MSH3: variants seen among roughly 807,000 people sequenced by gnomAD.
The protein encoded by MSH3 is DNA mismatch repair protein Msh3.
In MSH3, 106 loss-of-function variants were observed where a neutral mutation model predicts 123.3. The observed-to-expected ratio is 0.86, with a 90% CI of 0.73 to 1.01. The LOEUF is 1.01. Ranked by LOEUF, MSH3 falls within the 50% of genes least tolerant of loss-of-function variation. MSH3 has a pLI of 0.00. For missense variants in MSH3, 1,459 were observed against 1,347.6 expected, an observed-to-expected ratio of 1.08 and a Z score of -1.29; for synonymous variants, 515 against 481.4, an observed-to-expected ratio of 1.07 and a Z score of -0.91.
chr5:80,718,338 G>C (rs1350011860), intron 8 of MSH3, among the ~76,000 whole-genome samples: 1 of 152,124 alleles, frequency 6.6e-6, no homozygotes, highest in Non-Finnish European at 1.5e-5. Context: ...AGGTGAGTTG[G>C]GAACTCCTGG....
intron 12 of MSH3, among the ~76,000 whole-genome samples, chr5:80,753,383 A>G (rs1052444184): frequency 6.6e-6 from 1 of 152,176 alleles, no homozygotes; most frequent in African/African-American, 2.4e-5. Flanking sequence ...AGCTACCGTC[A>G]GGAATGTAGG....
intron 20 of MSH3, among the ~76,000 whole-genome samples, chr5:80,823,405 G>A (rs1020543631): frequency 6.6e-6 from 1 of 152,094 alleles, no homozygotes; most frequent in African/African-American, 2.4e-5. Context: ...TCAGGGACGT[G>A]GAATTTGGGG....
intron 10 of MSH3, 43 bp from the exon 11 acceptor site, chr5:80,741,421 T>C: frequency 2.4e-6 from 3 of 1,241,922 alleles, no homozygotes; most frequent in Non-Finnish European, 3.6e-6. Context: ...TTTATTTCTT[T>C]ATGCACTTAC....
At chr5:80,693,522 T>C (rs1402700284) in intron 8 of MSH3, among the ~76,000 whole-genome samples, 1 of 150,316 alleles carries the variant, frequency 6.7e-6, no homozygotes, top group Non-Finnish European at 1.5e-5. Flanking sequence ...TATGCACATG[T>C]ATATGTTTAT....
intron 8 of MSH3, among the ~76,000 whole-genome samples, chr5:80,687,043 G>A (rs1050114817): frequency 3.3e-5 from 5 of 152,084 alleles, no homozygotes; most frequent in Admixed American, 6.5e-5. Flanking sequence ...ATATCTGAAA[G>A]TACAGGTTTA....
intron 18 of MSH3, among the ~76,000 whole-genome samples, 170 bp downstream of exon 18, chr5:80,787,842 T>C (rs763122403): frequency 6.6e-6 from 1 of 152,242 alleles, no homozygotes; most frequent in Admixed American, 6.5e-5. Context: ...AATTCATTTC[T>C]TGCTTCCTCT....
At chr5:80,853,351 T>TGTA (rs1330149407) in intron 20 of MSH3, among the ~76,000 whole-genome samples, 1 of 152,050 alleles carries the variant, frequency 6.6e-6, no homozygotes, top group Non-Finnish European at 1.5e-5. Flanking sequence ...GGCATGCACC[T>TGTA]GTAGTCCCAG....
intron 21 of MSH3, among the ~76,000 whole-genome samples, chr5:80,860,890 A>T (rs773480791): frequency 4.8e-4 from 73 of 150,996 alleles, no homozygotes; most frequent in Non-Finnish European, 8.6e-4. Flanking sequence ...CATTTTGGAG[A>T]TTTCTATTAA....
At chr5:80,684,470 A>T (rs946019626) in intron 8 of MSH3, among the ~76,000 whole-genome samples, 15 of 151,802 alleles carry the variant, frequency 9.9e-5, no homozygotes, top group East Asian at 3.9e-4. Context: ...TTTCTTTTTC[A>T]TATTGTTCAC....
At chr5:80,681,545 GGATAAATTAT>G (rs539991187) in intron 8 of MSH3, among the ~76,000 whole-genome samples, 45 of 151,594 alleles carry the variant, frequency 3.0e-4, no homozygotes, top group African/African-American at 9.2e-4. Context: ...GAAATGGAAT[GGATAAATTAT>G]GATAAATTAT....
rs1200280309 is a variant in MSH3 at position 80,798,518 on chromosome 5, A to C, written c.2655+5674A>C. Among the ~76,000 whole-genome samples, 3 of 152,208 alleles carry C rather than the reference A, an allele frequency of 2.0e-5. No homozygotes were observed. In the East Asian group the frequency reaches 5.8e-4, roughly 29 times the overall value. ...GTGCCTAATTACCAAGTGGAACAGTAATAATACATACCATAAAATATGTCT... is the reference window on the plus strand; with the variant it reads ...GTGCCTAATTACCAAGTGGAACAGTCATAATACATACCATAAAATATGTCT... On this transcript the variant is annotated intron_variant, in intron 19 of 23. Transcript: ENST00000265081.
intron 22 of MSH3, among the ~76,000 whole-genome samples, chr5:80,869,596 T>C (rs1746168414): frequency 1.3e-5 from 2 of 151,916 alleles, no homozygotes; most frequent in African/African-American, 4.8e-5. Flanking sequence ...ATATGAGAAC[T>C]ACCATAATTT....
At chr5:80,730,457 A>G (rs531306199) in intron 10 of MSH3, among the ~76,000 whole-genome samples, 158 of 152,300 alleles carry the variant, frequency 1.0e-3, no homozygotes, top group African/African-American at 3.6e-3. Flanking sequence ...GACGTGGCAT[A>G]GTGGAGTTCT....
At chr5:80,757,435 C>T (rs1743945919) in intron 12 of MSH3, among the ~76,000 whole-genome samples, 2 of 152,128 alleles carry the variant, frequency 1.3e-5, no homozygotes, top group Admixed American at 1.3e-4. Flanking sequence ...AGGTCACACT[C>T]TGTGTTTCTG....
intron 20 of MSH3, among the ~76,000 whole-genome samples, chr5:80,831,959 A>T (rs893920848): frequency 3.3e-5 from 5 of 149,428 alleles, no homozygotes; most frequent in African/African-American, 1.2e-4. Context: ...ATACAAAAAA[A>T]TTAGCCGGGT....
intron 19 of MSH3, among the ~76,000 whole-genome samples, chr5:80,793,560 A>G (rs570939206): frequency 6.6e-6 from 1 of 152,278 alleles, no homozygotes; most frequent in African/African-American, 2.4e-5. Context: ...GGAGATACCA[A>G]CTGAAGAATG....
intron 13 of MSH3, among the ~76,000 whole-genome samples, chr5:80,762,073 G>A (rs2112880394): frequency 1.3e-5 from 2 of 152,004 alleles, no homozygotes; most frequent in South Asian, 4.1e-4. Flanking sequence ...GGAAAAATCT[G>A]CTAGTATAAC....
At chr5:80,758,800 T>C (rs190308931) in intron 12 of MSH3, among the ~76,000 whole-genome samples, 1 of 152,334 alleles carries the variant, frequency 6.6e-6, no homozygotes, top group East Asian at 1.9e-4. Context: ...TGCTCGTATC[T>C]TTCTGTATCT....
In MSH3 at chr5:80,813,659, T is replaced by G. The variant is rs753525389; in HGVS notation, c.2731T>G (p.Leu911Val). The stretch of plus-strand genomic sequence containing the variant: ...GAGCTCCTACATAAAACAAGTTGCA[T>G]TGATTACCATCATGGCTCAGATTGG... ...GKSSYIKQVA[L>V]ITIMAQIGSY... Residue 911 changes from leucine (L) to valine (V), a missense_variant, in exon 20 of 24, where the codon TTG (leucine) becomes GTG (valine). Coordinates refer to ENST00000265081, the MANE Select transcript of MSH3 (RefSeq NM_002439.5). 2.8e-5 allele frequency: 45 copies of G among 1,614,032 alleles called. No individual in the cohort carries two copies. The East Asian group carries it at 9.6e-4, about 34-fold the overall frequency.
Sources: allele counts gnomAD v4.1 joint callset (sites outside exome capture counted in the v4.1 genomes callset), GRCh38; gene constraint gnomAD v4.1.1; transcripts MANE v1.5; gene names NCBI Gene and HGNC (gene_info 2026-07-23, HGNC 2026-07-21).